The following HERC3 variants were observed in gnomAD, a reference collection of about 807,000 sequenced individuals.
The protein encoded by HERC3 is probable E3 ubiquitin-protein ligase HERC3.
A neutral mutation model predicts 129.9 loss-of-function variants in HERC3; 58 were observed. The ratio of observed to expected loss-of-function variants is 0.45; its 90% CI spans 0.36 to 0.56. The LOEUF is 0.56. Among genes scored for constraint, HERC3 ranks in the 20% least tolerant of loss-of-function variants. The pLI is 0.00. For missense variants in HERC3, 835 were observed against 1,244.2 expected, an observed-to-expected ratio of 0.67 and a Z score of 4.95; for synonymous variants, 430 against 451.0, an observed-to-expected ratio of 0.95 and a Z score of 0.59.
the HERC3 span, among the ~76,000 whole-genome samples, chr4:88,586,565 G>A: frequency 1.3e-5 from 2 of 151,948 alleles, no homozygotes; most frequent in African/African-American, 4.8e-5. Context: ...TGCCATGTTG[G>A]CCAGGCTGGT....
intron 23 of HERC3, among the ~76,000 whole-genome samples, chr4:88,698,372 C>T (rs1196823547): frequency 2.6e-5 from 4 of 152,010 alleles, no homozygotes; most frequent in Non-Finnish European, 5.9e-5. Context: ...CCACCCAACA[C>T]CCCCTTGGCC....
the HERC3 span, among the ~76,000 whole-genome samples, chr4:88,545,063 C>T: frequency 1.3e-5 from 2 of 152,006 alleles, no homozygotes; most frequent in African/African-American, 4.8e-5. Flanking sequence ...TAAAAAAATC[C>T]TGTCTCCAAA....
chr4:88,543,616 T>C, the HERC3 span, among the ~76,000 whole-genome samples: 6 of 152,160 alleles, frequency 3.9e-5, no homozygotes, highest in South Asian at 2.1e-4. Flanking sequence ...AAAAAGAGCC[T>C]GCATTGCCAA....
intron 21 of HERC3, among the ~76,000 whole-genome samples, chr4:88,685,973 A>G (rs888789652): frequency 6.6e-6 from 1 of 152,108 alleles, no homozygotes; most frequent in African/African-American, 2.4e-5. Flanking sequence ...TTGGCTTGTG[A>G]ATTTTTGGAG....
intron 3 of HERC3, among the ~76,000 whole-genome samples, chr4:88,621,714 G>T (rs1404640760): frequency 6.6e-6 from 1 of 152,212 alleles, no homozygotes; most frequent in South Asian, 2.1e-4. Flanking sequence ...ACTGCAGCAG[G>T]TTTGTCTGAT....
At chr4:88,688,066 T>A (rs1470585339) in intron 23 of HERC3, among the ~76,000 whole-genome samples, 2 of 152,210 alleles carry the variant, frequency 1.3e-5, no homozygotes, top group African/African-American at 4.8e-5. Context: ...GGTCAATGTA[T>A]GGAATAATTG....
chr4:88,534,877 T>C, the HERC3 span, among the ~76,000 whole-genome samples: 1 of 152,282 alleles, frequency 6.6e-6, no homozygotes, highest in African/African-American at 2.4e-5. Context: ...CATCAAATAG[T>C]CCATAGTGTA....
At chr4:88,660,008 G>C (rs532728717) in intron 10 of HERC3, among the ~76,000 whole-genome samples, 2 of 152,228 alleles carry the variant, frequency 1.3e-5, no homozygotes, top group Admixed American at 1.3e-4. Context: ...AAAAGTGTAA[G>C]ATCACAAAGA....
intron 18 of HERC3, among the ~76,000 whole-genome samples, chr4:88,677,134 CAA>C (rs1051789931): frequency 1.5e-5 from 2 of 137,864 alleles, no homozygotes; most frequent in African/African-American, 2.7e-5. Flanking sequence ...GATTCTGTCT[CAA>C]AAAAAAAAAG....
chr4:88,543,748 G>A, the HERC3 span, among the ~76,000 whole-genome samples: 1 of 152,088 alleles, frequency 6.6e-6, no homozygotes, highest in Admixed American at 6.6e-5. Context: ...CAGAACAGGG[G>A]CCTCAGAAAT....
chr4:88,688,470 G>A (rs762188264), intron 23 of HERC3, among the ~76,000 whole-genome samples: 32 of 152,118 alleles, frequency 2.1e-4, no homozygotes, highest in Admixed American at 4.6e-4. Context: ...TGAAGGCAGT[G>A]GGAAACAGAG....
rs138008999 is a variant in HERC3 at position 88,667,398 on chromosome 4, G to A, written c.1353G>A (p.Thr451=). The A allele has an allele frequency of 5.0e-6, 8 of 1,599,278 alleles. No individual in the cohort carries two copies. Among genetic ancestry groups the A allele is most frequent in the African/African-American group, 1.3e-5 (1 of 74,148 alleles). ...TTAGAATTGATGAACATTTTAAAAC[G>A]AGTCCCAAAATCCCTGGGATTGACC... ...LEKKIDEHFK[T]SPKIPGIDLN... The change falls in exon 13 of 26, where the codon ACG becomes ACA. Residue 451 remains threonine (T), a synonymous_variant. Transcript: ENST00000402738.
chr4:88,613,524 G>C (rs1724579362), intron 3 of HERC3, among the ~76,000 whole-genome samples: 1 of 152,224 alleles, frequency 6.6e-6, no homozygotes, highest in East Asian at 1.9e-4. Context: ...CATGGTAGAA[G>C]TAATGCTTTC....
At chr4:88,676,098 T>A in intron 16 of HERC3, 120 bp from the exon 17 acceptor site, 1 of 700,402 alleles carries the variant, frequency 1.4e-6, no homozygotes, top group East Asian at 2.6e-5. Flanking sequence ...CAAATGGTGT[T>A]AGTTCTATGG....
At chr4:88,569,140 G>A in the HERC3 span, among the ~76,000 whole-genome samples, 1 of 152,150 alleles carries the variant, frequency 6.6e-6, no homozygotes, top group Non-Finnish European at 1.5e-5. Context: ...CTCAAGTTCT[G>A]ACCACTGGGA....
intron 10 of HERC3, among the ~76,000 whole-genome samples, chr4:88,660,467 GT>G (rs1730375056): frequency 6.6e-6 from 1 of 152,126 alleles, no homozygotes. Flanking sequence ...GCCTCCCAAA[GT>G]GCTAGGATTA....
chr4:88,598,868 A>G (rs1363774528), intron 2 of HERC3, among the ~76,000 whole-genome samples: 2 of 152,226 alleles, frequency 1.3e-5, no homozygotes, highest in African/African-American at 4.8e-5. Flanking sequence ...ATTGAGAGAA[A>G]GTTGTACTTC....
At chr4:88,583,141 T>G in the HERC3 span, among the ~76,000 whole-genome samples, 1 of 152,098 alleles carries the variant, frequency 6.6e-6, no homozygotes, top group African/African-American at 2.4e-5. Context: ...TAAATAATAT[T>G]TCAATAAGAA....
intron 23 of HERC3, chr4:88,697,817 C>T (rs888148908): frequency 6.6e-7 from 1 of 1,510,340 alleles, no homozygotes; most frequent in Non-Finnish European, 8.8e-7. Context: ...CCGAGCTGGT[C>T]CAGAGAGATC....
Sources: allele counts gnomAD v4.1 joint callset (sites outside exome capture counted in the v4.1 genomes callset), GRCh38; gene constraint gnomAD v4.1.1; transcripts MANE v1.5; gene names NCBI Gene and HGNC (gene_info 2026-07-23, HGNC 2026-07-21).